The following AGO3 variants were observed in gnomAD, a reference collection of about 807,000 sequenced individuals.
The protein encoded by AGO3 is argonaute RISC catalytic component 3, also known as protein argonaute-3.
A neutral mutation model predicts 105.5 loss-of-function variants in AGO3; 16 were observed. The observed-to-expected ratio is 0.15, with a 90% CI of 0.10 to 0.23. The LOEUF is 0.23. Among genes scored for constraint, AGO3 ranks in the 10% least tolerant of loss-of-function variants. The pLI, the probability that AGO3 is intolerant of heterozygous loss-of-function variation, is 1.00. For synonymous variants in AGO3, 340 were observed against 367.3 expected, an observed-to-expected ratio of 0.93 and a Z score of 0.85; for missense variants, 534 against 1,088.0, an observed-to-expected ratio of 0.49 and a Z score of 7.16.
intron 14 of AGO3, among the ~76,000 whole-genome samples, chr1:36,037,367 C>T (rs893678529): frequency 1.3e-5 from 2 of 151,774 alleles, no homozygotes; most frequent in Non-Finnish European, 2.9e-5. Context: ...ATAAAAAATA[C>T]GAAATTAGCC....
In AGO3 at chr1:35,972,197, C is replaced by T. The variant is rs539286424; in HGVS notation, c.486C>T (p.Ala162=). 27 of 1,613,970 alleles carry T rather than the reference C, an allele frequency of 1.7e-5. No homozygotes were observed. The highest frequency in any genetic ancestry group is 5.5e-5 in the South Asian group (5 of 91,064). The change falls in exon 4 of 19, where the codon GCC becomes GCT. Residue 162 remains alanine, a synonymous_variant. Transcript: ENST00000373191. ...CAATCAGCACTAACCCTGTCCATGC[C>T]GTTGATGTGGTGCTACGACATCTGC... ...DKPISTNPVH[A]VDVVLRHLPS... is the part of the protein sequence containing the mutation.
chr1:36,040,008 G>C (rs902575424), intron 15 of AGO3, 24 bp downstream of exon 15: 5 of 1,582,704 alleles, frequency 3.2e-6, no homozygotes, highest in Non-Finnish European at 4.3e-6. Context: ...AATCTCATCA[G>C]ACTATGGTGA....
upstream of AGO3, chr1:35,931,044 G>C: frequency 2.6e-6 from 1 of 380,424 alleles, no homozygotes; most frequent in Non-Finnish European, 4.7e-6. Flanking sequence ...GGCGAGGCGA[G>C]GACGCCGGGC....
chr1:36,008,577 C>A lies in AGO3; in HGVS notation c.794-113C>A. 1.1e-6 allele frequency: 1 copy of A among 909,772 alleles called. No individual in the cohort carries two copies. The highest frequency in any genetic ancestry group is 1.7e-6 in the Non-Finnish European group (1 of 599,162). The allele number at this position is 909,772 out of a possible 1,614,324, so 56.4% of individuals were successfully genotyped here. A position where few individuals can be genotyped will look rare whatever the true frequency, so the allele number is the denominator to read the frequency against. On this transcript the variant is annotated intron_variant, in intron 6 of 18. Coordinates refer to ENST00000373191, the MANE Select transcript of AGO3 (RefSeq NM_024852.4). This position sits in a 1 kb window ranked among gnomAD's most constrained non-coding sequence, Gnocchi z 5.1. Reference sequence around the variant, plus strand: ...TGTTTATATCATCTTGCCTGTATCACAGAATTTTTTGTCTGTTCAGAATTG... The same window carrying A: ...TGTTTATATCATCTTGCCTGTATCAAAGAATTTTTTGTCTGTTCAGAATTG...
At chr1:35,943,406 G>A (rs781661472) in intron 1 of AGO3, among the ~76,000 whole-genome samples, 13 of 147,562 alleles carry the variant, frequency 8.8e-5, no homozygotes, top group Non-Finnish European at 1.5e-5. Flanking sequence ...GGTTCAAGCA[G>A]TTCTGTCATC....
intron 1 of AGO3, among the ~76,000 whole-genome samples, chr1:35,934,481 A>G (rs2148737667): frequency 6.6e-6 from 1 of 152,320 alleles, no homozygotes; most frequent in South Asian, 2.1e-4. Context: ...TAGAAAAGTT[A>G]TTTGGAACCA....
rs1641548959 is a variant in AGO3 at position 36,027,320 on chromosome 1, ATTTTTCCTCAAGTAC to A, written c.1591+25_1591+39del. 1 of 1,564,912 alleles carries A rather than the reference ATTTTTCCTCAAGTAC, an allele frequency of 6.4e-7. No individual in the cohort carries two copies. Among genetic ancestry groups the A allele is most frequent in the African/African-American group, 1.4e-5 (1 of 73,532 alleles). ...TATGGTAAGGATATCTTAAGACTGC[ATTTTTCCTCAAGTAC>A]TTGATGTCCTTTTAGGATTATACTG... On this transcript the variant is annotated intron_variant, in intron 12 of 18. Coordinates refer to ENST00000373191, the MANE Select transcript of AGO3 (RefSeq NM_024852.4). The surrounding 1 kb of genome is among the most constrained non-coding windows in gnomAD (Gnocchi z 4.0).
intron 11 of AGO3, among the ~76,000 whole-genome samples, chr1:36,023,035 C>T (rs1181529316): frequency 1.3e-5 from 2 of 152,168 alleles, no homozygotes; most frequent in Non-Finnish European, 2.9e-5. Context: ...TCTTATTTGC[C>T]ATTAACTGCC....
At chr1:35,996,928 C>CA (rs1392455100) in intron 5 of AGO3, among the ~76,000 whole-genome samples, 1 of 152,026 alleles carries the variant, frequency 6.6e-6, no homozygotes, top group Non-Finnish European at 1.5e-5. Flanking sequence ...CAAATGTTGA[C>CA]AAAGATTTGG....
chr1:35,950,178 GC>G (rs1646445168), intron 2 of AGO3, among the ~76,000 whole-genome samples: 1 of 151,448 alleles, frequency 6.6e-6, no homozygotes, highest in Non-Finnish European at 1.5e-5. Flanking sequence ...CCGACGTCGT[GC>G]CACTGCACTC....
chr1:36,024,437 G>A (rs1011051127), intron 11 of AGO3, among the ~76,000 whole-genome samples: 3 of 151,904 alleles, frequency 2.0e-5, no homozygotes, highest in Admixed American at 1.3e-4. Flanking sequence ...GCACTCTGCC[G>A]ACCTTCTTGA....
intron 2 of AGO3, among the ~76,000 whole-genome samples, chr1:35,965,596 A>G (rs1160585076): frequency 6.6e-6 from 1 of 152,040 alleles, no homozygotes; most frequent in African/African-American, 2.4e-5. Context: ...TTTGAACTAA[A>G]AAATGAATAG....
chr1:36,017,121 G>C (rs1640946539), intron 11 of AGO3, among the ~76,000 whole-genome samples: 1 of 152,120 alleles, frequency 6.6e-6, no homozygotes, highest in Admixed American at 6.5e-5. Context: ...ATTCAAGAGA[G>C]ACCATTTGAC....
intron 1 of AGO3, among the ~76,000 whole-genome samples, chr1:35,936,965 A>G (rs1339445946): frequency 6.6e-6 from 1 of 152,192 alleles, no homozygotes; most frequent in Admixed American, 6.5e-5. Flanking sequence ...CATTACTAAT[A>G]CTTGGTATTT....
intron 5 of AGO3, chr1:35,991,999 A>G (rs1327564892): frequency 6.6e-6 from 1 of 152,138 alleles, no homozygotes; most frequent in Non-Finnish European, 1.5e-5. Flanking sequence ...GAGCCTCATC[A>G]TAGGGTGATT....
rs776305414 is a variant in AGO3, at chr1:36,038,545, G to A, written c.1843-1245G>A. 1.4e-4 allele frequency among the ~76,000 whole-genome samples: 21 copies of A among 152,228 alleles called. 1 individual carries two copies. The highest frequency in any genetic ancestry group is 3.9e-4 in the African/African-American group (16 of 41,538). ...TCTGGGATTACAGGCGTGAGCTACC[G>A]TGCCCGGCCTGGATTTATTCTTAAG... is the stretch of plus-strand genomic sequence containing the variant. On this transcript the variant is annotated intron_variant, in intron 14 of 18. Coordinates refer to ENST00000373191, the MANE Select transcript of AGO3 (RefSeq NM_024852.4).
At position 36,070,069 on chromosome 1, in the gene AGO3, A is replaced by T. The variant is rs1472818873; in HGVS notation, c.*14324A>T. 6.7e-6 allele frequency: 1 copy of T among 149,932 alleles called. No individual in the cohort carries two copies. The highest frequency in any genetic ancestry group is 2.5e-5 in the African/African-American group (1 of 40,774). 9.3% of individuals were successfully genotyped at this position (149,932 alleles called of 1,614,324 possible). ...GAAGCTCTGTCTCAATAAAAAAAAA[A>T]ATAATAATAATAAAATACAAATACT... On this transcript the variant is annotated 3_prime_UTR_variant, in exon 19 of 19. Coordinates refer to ENST00000373191, the MANE Select transcript of AGO3 (RefSeq NM_024852.4).
rs1406707541 is a variant in AGO3, at chr1:35,957,359, C to CA, written c.192-9588dup. On this transcript the variant is annotated intron_variant, in intron 2 of 18. Transcript: ENST00000373191. The stretch of plus-strand genomic sequence containing the variant: ...CGACAGAGCGAGACTGTCTCAAAAA[C>CA]AAAAAAAAGAAGTCAGTGGCCTGAT... 5.6e-5 allele frequency among the ~76,000 whole-genome samples: 8 copies of CA among 142,222 alleles called. No individual in the cohort carries two copies. The South Asian group carries it at 6.7e-4, about 12-fold the overall frequency. The allele number at this position is 142,222 out of a possible 152,430, so 93.3% of individuals were successfully genotyped here. A position where few individuals can be genotyped will look rare whatever the true frequency, so the allele number is the denominator to read the frequency against.
At chr1:35,932,359 G>T (rs1466147678) in intron 1 of AGO3, among the ~76,000 whole-genome samples, 1 of 152,088 alleles carries the variant, frequency 6.6e-6, no homozygotes, top group African/African-American at 2.4e-5. Flanking sequence ...CAAAATATTT[G>T]CGGGGCTGTC....
Sources: gnomAD v4.1 joint callset for allele counts (sites outside exome capture counted in the v4.1 genomes callset) on GRCh38, gnomAD v4.1.1 for gene constraint, Gnocchi (gnomAD v3.1) non-coding constraint, MANE v1.5 for transcripts, NCBI Gene and HGNC (gene_info 2026-07-23, HGNC 2026-07-21) for gene names.